Variants in WDR70 observed in about 807,000 individuals in gnomAD.
WDR70 encodes the protein WD repeat domain 70, also known as WD repeat-containing protein 70.
WDR70 carries 53 observed loss-of-function variants against 88.6 expected under a neutral mutation model. The observed-to-expected ratio is 0.60, with a 90% CI of 0.48 to 0.75. WDR70 has a LOEUF of 0.75. Ranked by LOEUF, WDR70 falls within the 30% of genes least tolerant of loss-of-function variation. The probability of loss-of-function intolerance (pLI) is 0.00; values close to 1 mark genes in which losing one functional copy is unlikely to be tolerated. For missense variants in WDR70, 610 were observed against 823.2 expected, an observed-to-expected ratio of 0.74 and a Z score of 3.17; for synonymous variants, 280 against 270.0, an observed-to-expected ratio of 1.04 and a Z score of -0.36.
intron 5 of WDR70, 69 bp from the exon 6 acceptor site, chr5:37,437,852 GA>G: frequency 7.1e-7 from 1 of 1,403,490 alleles, no homozygotes. Flanking sequence ...TATTTCCTGT[GA>G]AATGTGTTGT....
intron 8 of WDR70, among the ~76,000 whole-genome samples, chr5:37,484,400 T>G (rs367559437): frequency 6.6e-6 from 1 of 152,104 alleles, no homozygotes; most frequent in Non-Finnish European, 1.5e-5. Context: ...CAAAAAAATA[T>G]GAAAACCAGT....
chr5:37,475,829 C>G (rs1213297064), intron 7 of WDR70, among the ~76,000 whole-genome samples: 1 of 140,134 alleles, frequency 7.1e-6, no homozygotes, highest in African/African-American at 2.6e-5. Context: ...ACTGTCTTGT[C>G]TTTTGCATTA....
At chr5:37,479,804 C>T in intron 7 of WDR70, 30 bp from the exon 8 acceptor site, 1 of 1,594,740 alleles carries the variant, frequency 6.3e-7, no homozygotes, top group Non-Finnish European at 8.5e-7. Context: ...TGCTTAGTAT[C>T]TTACCAACTT....
chr5:37,516,704 A>C (rs1740895314), intron 9 of WDR70, 114 bp downstream of exon 9: 1 of 237,096 alleles, frequency 4.2e-6, no homozygotes, highest in East Asian at 1.1e-4. Context: ...AGGAATTCTT[A>C]TTATATACAT....
At chr5:37,530,398 G>C (rs1741445046) in intron 9 of WDR70, among the ~76,000 whole-genome samples, 1 of 151,926 alleles carries the variant, frequency 6.6e-6, no homozygotes, top group African/African-American at 2.4e-5. Context: ...TTCTTTGAAT[G>C]TCTGATAGAA....
chr5:37,424,473 C>T (rs1033676592), intron 5 of WDR70, among the ~76,000 whole-genome samples: 14 of 151,014 alleles, frequency 9.3e-5, no homozygotes, highest in South Asian at 8.4e-4. Context: ...GGCGTGATCA[C>T]GGCTCACTGT....
intron 9 of WDR70, among the ~76,000 whole-genome samples, chr5:37,586,438 C>G (rs1743366388): frequency 6.6e-6 from 1 of 151,820 alleles, no homozygotes; most frequent in African/African-American, 2.4e-5. Context: ...ACTTTAAGTT[C>G]TGGGATACAT....
At chr5:37,677,339 T>C (rs1481409209) in intron 10 of WDR70, among the ~76,000 whole-genome samples, 1 of 152,176 alleles carries the variant, frequency 6.6e-6, no homozygotes, top group South Asian at 2.1e-4. Context: ...GGTGTCAATT[T>C]TGGATCTTTC....
chr5:37,406,986 A>G (rs527551472), intron 5 of WDR70, among the ~76,000 whole-genome samples: 1 of 152,292 alleles, frequency 6.6e-6, no homozygotes, highest in South Asian at 2.1e-4. Context: ...ACTAACGAAA[A>G]CTGTTAGATT....
chr5:37,487,627 ATTT>A lies in WDR70; in HGVS notation c.840+7655_840+7657del, dbSNP rs70978825. Among the ~76,000 whole-genome samples, 84 of 69,028 alleles carry A rather than the reference ATTT, an allele frequency of 1.2e-3. 1 individual carries two copies. The highest frequency in any genetic ancestry group is 4.9e-3 in the South Asian group (10 of 2,058). 45.3% of individuals were successfully genotyped at this position (69,028 alleles called of 152,430 possible). A position where few individuals can be genotyped will look rare whatever the true frequency, so the allele number is the denominator to read the frequency against. On this transcript the variant is annotated intron_variant, in intron 8 of 17. Transcript: ENST00000265107. ...TATATATATATATATATATATATGT[ATTT>A]TTTTTTTTTTTTTTGAGAGGGTGTC...
At chr5:37,428,516 A>G (rs1028271913) in intron 5 of WDR70, among the ~76,000 whole-genome samples, 21 of 152,342 alleles carry the variant, frequency 1.4e-4, no homozygotes, top group Middle Eastern at 3.4e-3. Flanking sequence ...ATATAAATGG[A>G]AACACTGTAC....
intron 10 of WDR70, among the ~76,000 whole-genome samples, chr5:37,665,938 C>T (rs1745827994): frequency 6.6e-6 from 1 of 152,204 alleles, no homozygotes; most frequent in Admixed American, 6.5e-5. Flanking sequence ...CTTACCACCT[C>T]TCTATCCGTC....
intron 10 of WDR70, among the ~76,000 whole-genome samples, chr5:37,614,546 C>T (rs1322338759): frequency 6.6e-6 from 1 of 152,096 alleles, no homozygotes; most frequent in Non-Finnish European, 1.5e-5. Context: ...TATTTTGTGA[C>T]ACATGAAAAT....
At chr5:37,451,649 A>AG (rs1738678397) in intron 7 of WDR70, among the ~76,000 whole-genome samples, 1 of 152,134 alleles carries the variant, frequency 6.6e-6, no homozygotes, top group Non-Finnish European at 1.5e-5. Context: ...AAGTTCAAAA[A>AG]CAGGAATGCT....
At chr5:37,515,161 A>G (rs1021795814) in intron 8 of WDR70, among the ~76,000 whole-genome samples, 19 of 152,240 alleles carry the variant, frequency 1.2e-4, no homozygotes, top group Non-Finnish European at 2.5e-4. Context: ...GATTTTAGAA[A>G]GTGAATAGAA....
At chr5:37,663,615 T>G (rs1005854148) in intron 10 of WDR70, among the ~76,000 whole-genome samples, 29 of 152,332 alleles carry the variant, frequency 1.9e-4, no homozygotes, top group Non-Finnish European at 1.5e-4. Context: ...TGGTTTACGT[T>G]ACAACCCCCA....
At chr5:37,733,640 T>A (rs1581535413) in intron 17 of WDR70, among the ~76,000 whole-genome samples, 1 of 152,090 alleles carries the variant, frequency 6.6e-6, no homozygotes. Flanking sequence ...CCTGTTCTCA[T>A]TATTCTTATG....
intron 10 of WDR70, among the ~76,000 whole-genome samples, chr5:37,658,178 AG>A (rs1016905324): frequency 4.6e-5 from 7 of 152,096 alleles, no homozygotes; most frequent in Admixed American, 4.6e-4. Flanking sequence ...GTTGAGGAGG[AG>A]GAAGAGGAGA....
intron 5 of WDR70, among the ~76,000 whole-genome samples, chr5:37,398,582 T>A (rs1199152044): frequency 3.3e-5 from 5 of 152,228 alleles, no homozygotes; most frequent in Admixed American, 6.5e-5. Flanking sequence ...TGCGTCTGTC[T>A]GTAGTTGATC....
Sources: allele counts gnomAD v4.1 joint callset (sites outside exome capture counted in the v4.1 genomes callset), GRCh38; gene constraint gnomAD v4.1.1; transcripts MANE v1.5; gene names NCBI Gene and HGNC (gene_info 2026-07-23, HGNC 2026-07-21).